Variants in CTCFL observed in about 807,000 individuals in gnomAD.
CTCFL encodes transcriptional repressor CTCFL.
A neutral mutation model predicts 67.4 loss-of-function variants in CTCFL; 36 were observed. The ratio of observed to expected loss-of-function variants is 0.53; its 90% CI spans 0.41 to 0.71. The LOEUF is 0.71. Among genes scored for constraint, CTCFL ranks in the 30% least tolerant of loss-of-function variants. The probability of loss-of-function intolerance (pLI) is 0.00; values close to 1 mark genes in which losing one functional copy is unlikely to be tolerated. For synonymous variants in CTCFL, 324 were observed against 302.3 expected (o/e 1.07, Z -0.75); for missense variants, 786 against 835.2 (o/e 0.94, Z 0.73).
rs1000244594 is a variant in CTCFL at position 57,507,868 on chromosome 20, A to T, written c.1674+738T>A. The T allele has an allele frequency of 5.7e-6, 4 of 703,054 alleles. No homozygotes were observed. The Admixed American group carries it at 8.0e-5, about 14-fold the overall frequency. 43.6% of individuals were successfully genotyped at this position (703,054 alleles called of 1,614,324 possible). A position where few individuals can be genotyped will look rare whatever the true frequency, so the allele number is the denominator to read the frequency against. ...TCTGTCATACAGAAATAGATAACTA[A>T]TACAACACCTAAAAGAATAAAACCA... On this transcript the variant is annotated intron_variant, in intron 9 of 10. Coordinates refer to ENST00000243914, the MANE Select transcript of CTCFL (RefSeq NM_001386993.1).
intron 3 of CTCFL, among the ~76,000 whole-genome samples, chr20:57,522,373 A>G (rs148774084): frequency 3.8e-4 from 58 of 152,348 alleles, no homozygotes; most frequent in African/African-American, 1.3e-3. Flanking sequence ...TGAGAAACTA[A>G]TATTTTTAAA....
chr20:57,518,331 C>G (rs1023434342), intron 5 of CTCFL, among the ~76,000 whole-genome samples: 3 of 152,314 alleles, frequency 2.0e-5, no homozygotes, highest in Non-Finnish European at 4.4e-5. Flanking sequence ...AAAACAGAAA[C>G]GTCTACGCTT....
chr20:57,520,744 T>G (rs1005782827), intron 3 of CTCFL, among the ~76,000 whole-genome samples: 1 of 152,240 alleles, frequency 6.6e-6, no homozygotes, highest in Admixed American at 6.5e-5. Flanking sequence ...GATAAAATAC[T>G]CAACAAACTT....
intron 1 of CTCFL, chr20:57,524,488 C>G (rs2069697369): frequency 2.4e-6 from 3 of 1,242,132 alleles, no homozygotes; most frequent in Non-Finnish European, 2.0e-6. Context: ...CAGCACACAT[C>G]CTGCGCCTGG....
At chr20:57,495,966 G>A (rs543235490), downstream of CTCFL, 20 of 282,358 alleles carry the variant, frequency 7.1e-5, no homozygotes, top group Admixed American at 1.6e-4. Flanking sequence ...CTTGGCTTGC[G>A]TTTTCAAACA....
chr20:57,520,643 C>CTA (rs1179448661), intron 3 of CTCFL, among the ~76,000 whole-genome samples: 3 of 152,074 alleles, frequency 2.0e-5, no homozygotes, highest in African/African-American at 7.2e-5. Context: ...ACAATCCAAG[C>CTA]TATATTAACA....
intron 8 of CTCFL, among the ~76,000 whole-genome samples, chr20:57,510,806 T>C (rs2068501752): frequency 6.6e-6 from 1 of 152,128 alleles, no homozygotes; most frequent in Non-Finnish European, 1.5e-5. Context: ...GAGTTTGCAG[T>C]GATAGCGCCA....
chr20:57,500,085 A>ATTTCT lies in CTCFL; in HGVS notation c.1841-1385_1841-1384insAGAAA. On this transcript the variant is annotated intron_variant, in intron 10 of 10. Coordinates refer to ENST00000243914, the MANE Select transcript of CTCFL (RefSeq NM_001386993.1). ...ATTTTTGTCCATGCTTCCTTGAAGT[A>ATTTCT]TTTTTTTTTTTTTTTTTTTGGTGGA... 6.5e-6 allele frequency: 6 copies of ATTTCT among 922,834 alleles called. No homozygotes were observed. The African/African-American group carries it at 1.1e-4, about 17-fold the overall frequency. The allele number at this position is 922,834 out of a possible 1,614,324, so 57.2% of individuals were successfully genotyped here.
chr20:57,498,660 A>G lies in CTCFL; in HGVS notation c.1882T>C (p.Phe628Leu), dbSNP rs757879043. ...GCGACAGGAAACATCTCTCCTGGGA[A>G]CTGTTCTCCCTTCGTGGTGGAAGCC... ...EEASTTKGEQ[F>L]PGEMFPVACR... is the part of the protein sequence containing the mutation. Residue 628 changes from phenylalanine to leucine, a missense_variant, in exon 11 of 11, where the codon TTC becomes CTC. By Grantham distance (22) the Phe-to-Leu change is conservative (BLOSUM62 0). Coordinates refer to ENST00000243914, the MANE Select transcript of CTCFL (RefSeq NM_001386993.1). 2 of 1,614,048 alleles carry G rather than the reference A, an allele frequency of 1.2e-6. No individual in the cohort carries two copies. Among genetic ancestry groups the G allele is most frequent in the African/African-American group, 1.3e-5 (1 of 75,032 alleles).
chr20:57,524,980 A>T (rs73625090), intron 1 of CTCFL, 48 bp downstream of exon 1: 5,492 of 147,736 alleles, frequency 0.037, 118 homozygotes, highest in African/African-American at 0.062. Context: ...AGAACAGCCC[A>T]TGCTCTTGGA....
intron 8 of CTCFL, 61 bp from the exon 9 acceptor site, chr20:57,508,849 A>G: frequency 4.9e-6 from 7 of 1,440,118 alleles, no homozygotes; most frequent in Non-Finnish European, 6.8e-6. Context: ...GATATTAGAC[A>G]CTGTTTATCA....
At position 57,503,491 on chromosome 20, in the gene CTCFL, G is replaced by A. The variant is rs755281186; in HGVS notation, c.1785C>T (p.Ala595=). ...TCGCAGCTTCCTTCTGACCCTTTGT[G>A]GCTTCCTTCAGGATGGTCTGCTTCC... ...RKRKQTILKE[A]TKGQKEAAKG... The change falls in exon 10 of 11, where the codon GCC becomes GCT. Residue 595 remains alanine, a synonymous_variant. Transcript: ENST00000243914. 1.2e-6 allele frequency: 2 copies of A among 1,614,072 alleles called. No homozygotes were observed. The highest frequency in any genetic ancestry group is 1.1e-5 in the South Asian group (1 of 91,082).
At chr20:57,511,813 A>G (rs555672896) in intron 8 of CTCFL, among the ~76,000 whole-genome samples, 3 of 151,996 alleles carry the variant, frequency 2.0e-5, no homozygotes, top group South Asian at 4.2e-4. Context: ...GGCTGGTCTC[A>G]AACTCCTGAC....
chr20:57,505,140 AATG>A (rs2068128292), intron 9 of CTCFL, among the ~76,000 whole-genome samples: 1 of 151,896 alleles, frequency 6.6e-6, no homozygotes, highest in African/African-American at 2.4e-5. Context: ...CTTGTGCAAA[AATG>A]ATGACTTTTT....
In CTCFL at chr20:57,512,671, T is replaced by C. The variant is rs1484465562; in HGVS notation, c.1412A>G (p.Tyr471Cys). 3.1e-6 allele frequency: 5 copies of C among 1,614,238 alleles called. No individual in the cohort carries two copies. The highest frequency in any genetic ancestry group is 1.3e-5 in the African/African-American group (1 of 75,070). ...RYCSAVFHERYALIQHQKTHK... is the reference protein window; with the variant it reads ...RYCSAVFHERCALIQHQKTHK... ...AGTTTTCTGGTGCTGAATGAGGGCA[T>C]AGCGTTCATGGAAGACAGCAGAACA... Residue 471 changes from tyrosine (Y) to cysteine (C), a missense_variant, in exon 8 of 11, where the codon TAT becomes TGT. Physicochemically the swap from Tyr to Cys is radical, Grantham distance 194. This residue lies in a region of CTCFL where 254 missense variants were observed against 333.9 expected (regional missense o/e 0.76). Transcript: ENST00000243914.
chr20:57,508,399 G>A (rs1423978510), intron 9 of CTCFL, among the ~76,000 whole-genome samples: 3 of 148,950 alleles, frequency 2.0e-5, no homozygotes, highest in Admixed American at 1.3e-4. Context: ...TTTTTTTTTA[G>A]GGGATGAGGA....
At chr20:57,503,924 G>A (rs1402228868) in intron 9 of CTCFL, among the ~76,000 whole-genome samples, 3 of 144,602 alleles carry the variant, frequency 2.1e-5, no homozygotes, top group African/African-American at 7.7e-5. Context: ...CAGCCTGAGT[G>A]ACAGAAAAAA....
At chr20:57,505,683 G>C (rs574708238) in intron 9 of CTCFL, among the ~76,000 whole-genome samples, 4 of 152,116 alleles carry the variant, frequency 2.6e-5, no homozygotes, top group Non-Finnish European at 5.9e-5. Context: ...TTTTCTGTTA[G>C]CTACTCTCTT....
Position 57,498,258 on chromosome 20 carries a change from G to T in CTCFL, c.*292C>A. The T allele has an allele frequency of 3.8e-6, 4 of 1,057,562 alleles. No individual in the cohort carries two copies. Among genetic ancestry groups the T allele is most frequent in the Non-Finnish European group, 4.6e-6 (4 of 875,928 alleles). 65.5% of individuals were successfully genotyped at this position (1,057,562 alleles called of 1,614,324 possible). A position where few individuals can be genotyped will look rare whatever the true frequency, so the allele number is the denominator to read the frequency against. ...TTGAGGTGTTACCCTCTCATTCAAG[G>T]TTTAAAACTTTTATAAAATACCTGC... On this transcript the variant is annotated 3_prime_UTR_variant, in exon 11 of 11. Transcript: ENST00000243914.
Sources: allele counts gnomAD v4.1 joint callset (sites outside exome capture counted in the v4.1 genomes callset), GRCh38; gene constraint gnomAD v4.1.1; regional missense constraint gnomAD v4.1.1; transcripts MANE v1.5; gene names NCBI Gene and HGNC (gene_info 2026-07-23, HGNC 2026-07-21).